The following ZMIZ1 variants were observed in gnomAD, a reference collection of about 807,000 sequenced individuals.
ZMIZ1 encodes zinc finger MIZ-type containing 1.
ZMIZ1 carries 17 observed loss-of-function variants against 113.9 expected under a neutral mutation model. The observed-to-expected ratio is 0.15, with a 90% CI of 0.10 to 0.22. The LOEUF is 0.22. Ranked by LOEUF, ZMIZ1 falls within the 10% of genes least tolerant of loss-of-function variation. The probability of loss-of-function intolerance (pLI) is 1.00; values close to 1 mark genes in which losing one functional copy is unlikely to be tolerated. For synonymous variants in ZMIZ1, 607 were observed against 603.1 expected (o/e 1.01, Z -0.09); for missense variants, 1,059 against 1,477.8 (o/e 0.72, Z 4.65).
intron 1 of ZMIZ1, among the ~76,000 whole-genome samples, chr10:79,102,556 C>G (rs1198983782): frequency 1.3e-5 from 2 of 152,234 alleles, no homozygotes; most frequent in African/African-American, 4.8e-5. Context: ...GGCAGCATTT[C>G]AAGTTGCAAC....
At chr10:79,308,225 C>T (rs567287584) in intron 23 of ZMIZ1, among the ~76,000 whole-genome samples, 2 of 152,318 alleles carry the variant, frequency 1.3e-5, no homozygotes, top group East Asian at 1.9e-4. Context: ...TGGTTCCACT[C>T]ATTTTAACAA....
intron 2 of ZMIZ1, among the ~76,000 whole-genome samples, chr10:79,136,314 C>T (rs1163212532): frequency 1.3e-5 from 2 of 152,246 alleles, no homozygotes; most frequent in African/African-American, 4.8e-5. Context: ...TCTCTAGGAC[C>T]CCCCAGCCTG....
intron 3 of ZMIZ1, among the ~76,000 whole-genome samples, chr10:79,141,427 A>G (rs1589326630): frequency 6.6e-6 from 1 of 151,616 alleles, no homozygotes; most frequent in South Asian, 2.1e-4. Flanking sequence ...AGTGTAAAGT[A>G]CTCTTTCACT....
intron 2 of ZMIZ1, among the ~76,000 whole-genome samples, chr10:79,131,612 T>G (rs1427269129): frequency 1.3e-5 from 2 of 152,208 alleles, no homozygotes; most frequent in Non-Finnish European, 2.9e-5. Flanking sequence ...GGCTTGTCTT[T>G]GGAGAGGCAC....
At chr10:79,134,449 T>C (rs928003276) in intron 2 of ZMIZ1, among the ~76,000 whole-genome samples, 2 of 152,234 alleles carry the variant, frequency 1.3e-5, no homozygotes, top group Non-Finnish European at 2.9e-5. Flanking sequence ...TGGAGAACTA[T>C]GAGGACCAGA....
chr10:79,208,050 G>C (rs959639116), intron 5 of ZMIZ1, among the ~76,000 whole-genome samples: 1 of 149,766 alleles, frequency 6.7e-6, no homozygotes, highest in African/African-American at 2.5e-5. Flanking sequence ...GGTGGGGATG[G>C]GGGTAGAGGT....
chr10:79,270,239 G>A (rs1018894892), intron 7 of ZMIZ1, among the ~76,000 whole-genome samples: 9 of 152,250 alleles, frequency 5.9e-5, no homozygotes, highest in African/African-American at 2.2e-4. Flanking sequence ...GGCTACAGGG[G>A]AGTTGCTGGA....
At chr10:79,134,620 G>A (rs1393475326) in intron 2 of ZMIZ1, among the ~76,000 whole-genome samples, 1 of 152,164 alleles carries the variant, frequency 6.6e-6, no homozygotes, top group Non-Finnish European at 1.5e-5. Flanking sequence ...TCCCAACCTG[G>A]ATTGAGACTT....
chr10:79,208,861 G>A (rs1848433373), intron 6 of ZMIZ1, among the ~76,000 whole-genome samples: 1 of 152,174 alleles, frequency 6.6e-6, no homozygotes, highest in Non-Finnish European at 1.5e-5. Context: ...GGTAAGCATT[G>A]ATTGAGCCCC....
chr10:79,088,932 G>T (rs1842908648), intron 1 of ZMIZ1, among the ~76,000 whole-genome samples: 1 of 152,210 alleles, frequency 6.6e-6, no homozygotes, highest in African/African-American at 2.4e-5. Context: ...ATCCCATTTT[G>T]CAGAGGAGGA....
At chr10:79,139,367 C>T (rs958921850) in intron 2 of ZMIZ1, among the ~76,000 whole-genome samples, 6 of 152,132 alleles carry the variant, frequency 3.9e-5, no homozygotes, top group Admixed American at 1.3e-4. Context: ...GCCTGGGGGC[C>T]GTACAGGAAA....
chr10:79,304,196 C>T (rs1399596843), intron 19 of ZMIZ1, 21 bp downstream of exon 19: 1 of 1,605,552 alleles, frequency 6.2e-7, no homozygotes, highest in Non-Finnish European at 8.5e-7. Context: ...CCAGAAAGCA[C>T]AGCTCTGGCA....
chr10:79,168,397 T>C (rs963425527), intron 4 of ZMIZ1, among the ~76,000 whole-genome samples: 1 of 152,124 alleles, frequency 6.6e-6, no homozygotes. Context: ...CATGGCCTTT[T>C]TTTGTCTCTG....
chr10:79,248,000 C>T (rs1240732755), intron 7 of ZMIZ1, among the ~76,000 whole-genome samples: 1 of 152,204 alleles, frequency 6.6e-6, no homozygotes, highest in Non-Finnish European at 1.5e-5. Flanking sequence ...AGACTCCACT[C>T]CAGGGCCTCA....
intron 1 of ZMIZ1, among the ~76,000 whole-genome samples, chr10:79,111,552 C>T (rs1445740283): frequency 6.6e-6 from 1 of 152,102 alleles, no homozygotes; most frequent in Non-Finnish European, 1.5e-5. Flanking sequence ...ACGGGGGAGG[C>T]GCACCCTCAG....
chr10:79,129,257 A>G (rs1433890282), intron 2 of ZMIZ1, among the ~76,000 whole-genome samples: 1 of 152,232 alleles, frequency 6.6e-6, no homozygotes, highest in Non-Finnish European at 1.5e-5. Flanking sequence ...ACTGAAAACC[A>G]GAGTTCAGCA....
intron 1 of ZMIZ1, among the ~76,000 whole-genome samples, chr10:79,091,517 A>C (rs1433153299): frequency 6.6e-6 from 1 of 152,246 alleles, no homozygotes; most frequent in East Asian, 1.9e-4. Flanking sequence ...TGAAAGCTTC[A>C]GAGAAATCGG....
chr10:79,288,107 T>A (rs916778639), intron 8 of ZMIZ1, among the ~76,000 whole-genome samples: 1 of 152,194 alleles, frequency 6.6e-6, no homozygotes, highest in Non-Finnish European at 1.5e-5. Context: ...GGGGCAAGTA[T>A]GAGCAGACAG....
intron 2 of ZMIZ1, among the ~76,000 whole-genome samples, chr10:79,125,215 T>A (rs1219157876): frequency 6.6e-6 from 1 of 152,186 alleles, no homozygotes; most frequent in Non-Finnish European, 1.5e-5. Context: ...TGCCACAATC[T>A]GCACACCTCC....
Sources: allele counts gnomAD v4.1 joint callset (sites outside exome capture counted in the v4.1 genomes callset), GRCh38; gene constraint gnomAD v4.1.1; transcripts MANE v1.5; gene names NCBI Gene and HGNC (gene_info 2026-07-23, HGNC 2026-07-21).